Variants in LRRC4C observed in about 807,000 individuals in gnomAD.
LRRC4C encodes the protein leucine-rich repeat-containing protein 4C.
LRRC4C carries 5 observed loss-of-function variants against 33.6 expected under a neutral mutation model. That is an observed-to-expected ratio of 0.15 (90% CI 0.08 to 0.31). The LOEUF is 0.31. Among genes scored for constraint, LRRC4C ranks in the 10% least tolerant of loss-of-function variants. The pLI, the probability that LRRC4C is intolerant of heterozygous loss-of-function variation, is 1.00. For missense variants in LRRC4C, 560 were observed against 796.7 expected, an observed-to-expected ratio of 0.70 and a Z score of 3.58; for synonymous variants, 329 against 302.0, an observed-to-expected ratio of 1.09 and a Z score of -0.93.
intron 3 of LRRC4C, among the ~76,000 whole-genome samples, chr11:40,531,235 T>C (rs1956258615): frequency 6.6e-6 from 1 of 152,100 alleles, no homozygotes; most frequent in South Asian, 2.1e-4. Flanking sequence ...GCTTCCCCAT[T>C]ATCAACATTG....
intron 4 of LRRC4C, among the ~76,000 whole-genome samples, chr11:40,246,714 AT>A (rs1322470448): frequency 6.6e-6 from 1 of 152,052 alleles, no homozygotes; most frequent in Admixed American, 6.6e-5. Context: ...GTAAAAGCAT[AT>A]TTTTTTCATC....
rs1434966610 is a variant in LRRC4C at position 40,395,323 on chromosome 11, T to C, written c.-269-75602A>G. On this transcript the variant is annotated intron_variant, in intron 3 of 6. Coordinates refer to ENST00000528697, the MANE Select transcript of LRRC4C (RefSeq NM_001258419.2). Reference sequence around the variant, plus strand: ...TGGACTCCTACTTTGAGAGATCCTGTGAAGCGTAACTCTGCTCAGCCACTC... The same window carrying C: ...TGGACTCCTACTTTGAGAGATCCTGCGAAGCGTAACTCTGCTCAGCCACTC... 3.3e-5 allele frequency among the ~76,000 whole-genome samples: 5 copies of C among 152,158 alleles called. No individual in the cohort carries two copies. In the East Asian group the frequency reaches 9.6e-4, roughly 29 times the overall value.
intron 1 of LRRC4C, among the ~76,000 whole-genome samples, chr11:41,288,645 A>T (rs2136989069): frequency 6.6e-6 from 1 of 152,326 alleles, no homozygotes; most frequent in South Asian, 2.1e-4. Context: ...TGGCTGAACA[A>T]TACCCACTTA....
At chr11:41,043,198 C>A (rs115907010) in intron 1 of LRRC4C, among the ~76,000 whole-genome samples, 1,511 of 147,054 alleles carry the variant, frequency 0.01, 35 homozygotes, top group African/African-American at 0.037. Flanking sequence ...GAACTTGATT[C>A]TCAGAGGCTG....
intron 3 of LRRC4C, among the ~76,000 whole-genome samples, chr11:40,351,351 C>T (rs183804050): frequency 6.6e-6 from 1 of 151,626 alleles, no homozygotes; most frequent in East Asian, 1.9e-4. Context: ...AATCTGTGTG[C>T]TGAGGAGAAG....
intron 1 of LRRC4C, among the ~76,000 whole-genome samples, chr11:41,034,719 A>C (rs1192671626): frequency 2.7e-5 from 4 of 147,446 alleles, no homozygotes; most frequent in Non-Finnish European, 6.0e-5. Context: ...TTAGCCAACC[A>C]GATGGAGCAT....
chr11:40,829,671 T>G (rs1952323075), intron 2 of LRRC4C, among the ~76,000 whole-genome samples: 1 of 152,004 alleles, frequency 6.6e-6, no homozygotes. Flanking sequence ...GAAAGAAAAG[T>G]AAAAAATTCT....
intron 1 of LRRC4C, among the ~76,000 whole-genome samples, chr11:41,198,373 AT>A (rs751703015): frequency 2.0e-5 from 3 of 152,082 alleles, no homozygotes; most frequent in Non-Finnish European, 4.4e-5. Context: ...TATAAATAAA[AT>A]TATCTCCTTT....
intron 4 of LRRC4C, among the ~76,000 whole-genome samples, chr11:40,317,680 T>C (rs1437651076): frequency 1.3e-5 from 2 of 152,154 alleles, no homozygotes; most frequent in African/African-American, 4.8e-5. Context: ...TCAATTACTA[T>C]ATTAACTTTA....
chr11:41,292,219 T>C (rs899059912), intron 1 of LRRC4C, among the ~76,000 whole-genome samples: 6 of 152,076 alleles, frequency 3.9e-5, no homozygotes, highest in African/African-American at 7.2e-5. Context: ...TTTAAGAAGA[T>C]GTAATGTGAG....
intron 1 of LRRC4C, among the ~76,000 whole-genome samples, chr11:41,238,709 T>G (rs542529748): frequency 6.6e-6 from 1 of 152,282 alleles, no homozygotes; most frequent in African/African-American, 2.4e-5. Flanking sequence ...TGTAACAAAT[T>G]AAATCAACAC....
intron 1 of LRRC4C, among the ~76,000 whole-genome samples, chr11:41,266,433 A>G (rs972323098): frequency 6.6e-5 from 10 of 152,124 alleles, no homozygotes; most frequent in Admixed American, 5.3e-4. Flanking sequence ...GAATTTATAA[A>G]CCTGACTTTC....
chr11:41,262,318 A>G (rs1396219758), intron 1 of LRRC4C, among the ~76,000 whole-genome samples: 2 of 152,016 alleles, frequency 1.3e-5, no homozygotes, highest in African/African-American at 4.8e-5. Flanking sequence ...TATATAGCCC[A>G]CAGAATCTAA....
At chr11:41,459,014 A>T (rs1956255628) in intron 1 of LRRC4C, among the ~76,000 whole-genome samples, 1 of 152,144 alleles carries the variant, frequency 6.6e-6, no homozygotes, top group Non-Finnish European at 1.5e-5. Context: ...AGTCCGGATT[A>T]CATCCCCACC....
intron 3 of LRRC4C, among the ~76,000 whole-genome samples, chr11:40,488,588 T>A (rs1250230282): frequency 2.0e-5 from 3 of 152,114 alleles, no homozygotes. Flanking sequence ...GAACTTGTTG[T>A]CTGTGGCCTT....
chr11:40,114,559 G>A lies in LRRC4C; in HGVS notation c.1734C>T (p.Asp578=), dbSNP rs1458128380. Residue 578 remains aspartate (D), a synonymous_variant, in exon 7 of 7, where the codon GAC becomes GAT. Transcript: ENST00000528697. ...TGGGCAGGTGGCTTTCCATGGGTGTGTCTCCCGTAATCTCATCATCCACAT... is the reference window on the plus strand; with the variant it reads ...TGGGCAGGTGGCTTTCCATGGGTGTATCTCCCGTAATCTCATCATCCACAT... ...IINVDDEITG[D]TPMESHLPMP... The A allele has an allele frequency of 1.2e-6, 2 of 1,614,108 alleles. No homozygotes were observed. Among genetic ancestry groups the A allele is most frequent in the Admixed American group, 3.3e-5 (2 of 60,016 alleles).
At chr11:40,810,389 G>C (rs182756467) in intron 2 of LRRC4C, among the ~76,000 whole-genome samples, 1 of 152,148 alleles carries the variant, frequency 6.6e-6, no homozygotes, top group Admixed American at 6.6e-5. Context: ...AACACTGGGG[G>C]AAGCCCTCAT....
chr11:40,569,568 G>A (rs1957898828), intron 3 of LRRC4C, among the ~76,000 whole-genome samples: 1 of 151,538 alleles, frequency 6.6e-6, no homozygotes, highest in African/African-American at 2.4e-5. Context: ...GTTTATGCGT[G>A]TATATATATA....
Position 41,240,850 on chromosome 11 carries a change from G to C in LRRC4C, c.-496+218581C>G, listed in dbSNP as rs531611152. ...ACACACACAAATTATTTCAGTCTTT[G>C]AGGTATTACAGTAAAAAAAATAGAG... On this transcript the variant is annotated intron_variant, in intron 1 of 6. Coordinates refer to ENST00000528697, the MANE Select transcript of LRRC4C (RefSeq NM_001258419.2). Among the ~76,000 whole-genome samples, 239 of 152,136 alleles carry C rather than the reference G, an allele frequency of 1.6e-3. 1 individual carries two copies. Among genetic ancestry groups the C allele is most frequent in the African/African-American group, 5.4e-3 (226 of 41,522 alleles).
Sources: allele counts gnomAD v4.1 joint callset (sites outside exome capture counted in the v4.1 genomes callset), GRCh38; gene constraint gnomAD v4.1.1; transcripts MANE v1.5; gene names NCBI Gene and HGNC (gene_info 2026-07-23, HGNC 2026-07-21).